ASTN2: variants seen among roughly 807,000 people sequenced by gnomAD.
ASTN2 encodes astrotactin-2.
Under a neutral mutation model 139.8 loss-of-function variants are expected in ASTN2, and 54 were observed. That is an observed-to-expected ratio of 0.39 (90% CI 0.31 to 0.48). The LOEUF (loss-of-function observed/expected upper bound fraction) is 0.48, where lower values mean the gene tolerates loss of function less well. ASTN2 is among the 20% of genes least tolerant of loss of function. The pLI, the probability that ASTN2 is intolerant of heterozygous loss-of-function variation, is 0.95. For missense variants in ASTN2, 1,565 were observed against 1,725.1 expected (o/e 0.91, Z 1.64); for synonymous variants, 756 against 719.5 (o/e 1.05, Z -0.81).
intron 3 of ASTN2, chr9:117,197,435 T>C (rs1322240455): frequency 6.6e-6 from 1 of 152,236 alleles, no homozygotes; most frequent in Admixed American, 6.5e-5. Flanking sequence ...AGTACAGACT[T>C]CAGTGGGAGT....
At chr9:116,535,104 A>G (rs1396305763) in intron 19 of ASTN2, among the ~76,000 whole-genome samples, 4 of 152,088 alleles carry the variant, frequency 2.6e-5, no homozygotes, top group Admixed American at 2.0e-4. Context: ...TGGTCCCTTT[A>G]CCATTATGTA....
intron 10 of ASTN2, among the ~76,000 whole-genome samples, chr9:116,965,555 A>G (rs1350978394): frequency 1.3e-5 from 2 of 152,188 alleles, no homozygotes; most frequent in Non-Finnish European, 2.9e-5. Context: ...TGTACAATAG[A>G]AGAGAATGAA....
At chr9:116,953,480 C>T (rs991401051) in intron 10 of ASTN2, among the ~76,000 whole-genome samples, 3 of 152,166 alleles carry the variant, frequency 2.0e-5, no homozygotes, top group Non-Finnish European at 4.4e-5. Context: ...CCCAGAGGAA[C>T]CCAGAATGAG....
chr9:117,257,796 G>A (rs1192996343), intron 2 of ASTN2, among the ~76,000 whole-genome samples: 1 of 152,192 alleles, frequency 6.6e-6, no homozygotes, highest in African/African-American at 2.4e-5. Flanking sequence ...TGGACTAAAT[G>A]TATAAAAGAA....
At chr9:117,073,568 G>A (rs1216511535) in intron 5 of ASTN2, among the ~76,000 whole-genome samples, 1 of 152,126 alleles carries the variant, frequency 6.6e-6, no homozygotes, top group East Asian at 1.9e-4. Flanking sequence ...AGATTTCCTA[G>A]GGCCAGGAAT....
At chr9:116,815,803 T>TCAAAAACAAAAAAAAAAAA (rs1831303101) in intron 12 of ASTN2, among the ~76,000 whole-genome samples, 1 of 2,774 alleles carries the variant, frequency 3.6e-4, no homozygotes, top group Non-Finnish European at 6.5e-4. Context: ...AGACTCCGTC[T>TCAAAAACAAAAAAAAAAAA]CAAAAAAAAA....
chr9:117,174,604 T>C (rs1031507852), intron 3 of ASTN2, among the ~76,000 whole-genome samples: 1 of 151,980 alleles, frequency 6.6e-6, no homozygotes, highest in Non-Finnish European at 1.5e-5. Context: ...AATGTTGATA[T>C]TGGAACTTAA....
At chr9:117,366,663 A>G (rs1166371785) in intron 1 of ASTN2, among the ~76,000 whole-genome samples, 5 of 152,062 alleles carry the variant, frequency 3.3e-5, no homozygotes, top group South Asian at 2.1e-4. Flanking sequence ...TGACCTCAGT[A>G]TTGGTGTCTG....
At chr9:117,217,702 G>A (rs1380785004) in intron 2 of ASTN2, among the ~76,000 whole-genome samples, 1 of 152,204 alleles carries the variant, frequency 6.6e-6, no homozygotes, top group African/African-American at 2.4e-5. Flanking sequence ...TAAGATGCTT[G>A]TGGGGTATTT....
intron 19 of ASTN2, among the ~76,000 whole-genome samples, chr9:116,614,970 C>T (rs1335461972): frequency 6.6e-6 from 1 of 152,082 alleles, no homozygotes; most frequent in Non-Finnish European, 1.5e-5. Flanking sequence ...TTGCAATCTA[C>T]TCATGTGACA....
intron 13 of ASTN2, among the ~76,000 whole-genome samples, chr9:116,790,486 G>T (rs901871442): frequency 2.0e-5 from 3 of 151,918 alleles, no homozygotes; most frequent in Non-Finnish European, 2.9e-5. Flanking sequence ...TTTCACGTCT[G>T]CAGACCCTCT....
intron 13 of ASTN2, among the ~76,000 whole-genome samples, chr9:116,765,264 C>T (rs1829779007): frequency 1.3e-5 from 2 of 152,176 alleles, no homozygotes; most frequent in South Asian, 2.1e-4. Context: ...CAACCAGACA[C>T]CCTGCAGCTG....
chr9:116,782,876 G>A (rs1348791981), intron 13 of ASTN2, among the ~76,000 whole-genome samples: 24 of 152,110 alleles, frequency 1.6e-4, no homozygotes, highest in Admixed American at 1.6e-3. Flanking sequence ...GCTTGCCCTG[G>A]TAGCACTCTG....
At chr9:116,508,565 C>A (rs765387414) in intron 19 of ASTN2, among the ~76,000 whole-genome samples, 2 of 152,086 alleles carry the variant, frequency 1.3e-5, no homozygotes, top group Non-Finnish European at 2.9e-5. Context: ...CCCTTGCCCA[C>A]GTGGTGCCTT....
intron 4 of ASTN2, among the ~76,000 whole-genome samples, chr9:117,101,605 G>A (rs1587964596): frequency 6.6e-6 from 1 of 152,126 alleles, no homozygotes; most frequent in Non-Finnish European, 1.5e-5. Flanking sequence ...TACCTTACAT[G>A]CAATATCCCT....
At chr9:116,953,381 A>G (rs1316572064) in intron 10 of ASTN2, among the ~76,000 whole-genome samples, 1 of 152,192 alleles carries the variant, frequency 6.6e-6, no homozygotes. Context: ...CAGGCTATTA[A>G]GACATTCTAG....
chr9:117,005,704 A>G (rs777722602), intron 7 of ASTN2, among the ~76,000 whole-genome samples: 9 of 152,008 alleles, frequency 5.9e-5, no homozygotes, highest in Non-Finnish European at 8.8e-5. Flanking sequence ...ATGAACTTAA[A>G]GTGACCCATA....
chr9:116,661,480 A>G (rs1324938705), intron 16 of ASTN2, among the ~76,000 whole-genome samples: 1 of 152,154 alleles, frequency 6.6e-6, no homozygotes, highest in African/African-American at 2.4e-5. Flanking sequence ...ACAAGGGGGG[A>G]AAATATGAAT....
rs1857923286 is a variant in ASTN2, at chr9:116,651,662, TCTC to T, written c.2935_2937del (p.Glu979del). ...TGACAGGTAGATGGACAGCGCCCCT[TCTC>T]CTCACAGCGAATCTCCACACCTGAA... is the stretch of plus-strand genomic sequence containing the variant. On this transcript the variant is annotated inframe_deletion, in exon 17 of 23. Coordinates refer to ENST00000313400, the MANE Select transcript of ASTN2 (RefSeq NM_001365068.1). 1 of 1,613,946 alleles carries T rather than the reference TCTC, an allele frequency of 6.2e-7. No homozygotes were observed. Among genetic ancestry groups the T allele is most frequent in the African/African-American group, 1.3e-5 (1 of 74,892 alleles).
Sources: gnomAD v4.1 joint callset for allele counts (sites outside exome capture counted in the v4.1 genomes callset) on GRCh38, gnomAD v4.1.1 for gene constraint, MANE v1.5 for transcripts, NCBI Gene and HGNC (gene_info 2026-07-23, HGNC 2026-07-21) for gene names.